The following SBF2 variants were observed in gnomAD, a reference collection of about 807,000 sequenced individuals.
SBF2 encodes myotubularin-related protein 13.
In SBF2, 112 loss-of-function variants were observed where a neutral mutation model predicts 225.2. The observed-to-expected ratio is 0.50, with a 90% CI of 0.43 to 0.58. The LOEUF is 0.58. SBF2 is among the 20% of genes least tolerant of loss of function. The probability of loss-of-function intolerance (pLI) is 0.00; values close to 1 mark genes in which losing one functional copy is unlikely to be tolerated. For missense variants in SBF2, 1,996 were observed against 2,206.2 expected (o/e 0.90, Z 1.91); for synonymous variants, 763 against 773.3 (o/e 0.99, Z 0.22).
chr11:10,113,593 T>C (rs1436147581), intron 2 of SBF2, among the ~76,000 whole-genome samples: 1 of 152,186 alleles, frequency 6.6e-6, no homozygotes, highest in Non-Finnish European at 1.5e-5. Flanking sequence ...ACTAAAGATG[T>C]AGATGGCAAA....
intron 2 of SBF2, among the ~76,000 whole-genome samples, chr11:10,143,613 A>G (rs929984995): frequency 4.6e-5 from 7 of 152,240 alleles, no homozygotes; most frequent in Non-Finnish European, 7.3e-5. Flanking sequence ...TGGTAGATCA[A>G]TATCAGTAAG....
intron 17 of SBF2, among the ~76,000 whole-genome samples, chr11:9,872,127 A>G (rs1342536283): frequency 6.6e-6 from 1 of 152,204 alleles, no homozygotes; most frequent in African/African-American, 2.4e-5. Context: ...CACCATGGAA[A>G]CTATGCAGCC....
intron 1 of SBF2, among the ~76,000 whole-genome samples, chr11:10,204,880 T>C (rs375870645): frequency 6.6e-6 from 1 of 150,532 alleles, no homozygotes; most frequent in East Asian, 1.9e-4. Context: ...GGATATAGGG[T>C]TTCTTTGGGG....
chr11:9,951,513 T>C (rs1190743334), intron 16 of SBF2, among the ~76,000 whole-genome samples: 1 of 152,116 alleles, frequency 6.6e-6, no homozygotes, highest in Non-Finnish European at 1.5e-5. Flanking sequence ...CTAGGGAGAA[T>C]TTTAGACTGA....
chr11:9,811,370 G>A (rs1167430067), intron 30 of SBF2: 1 of 152,196 alleles, frequency 6.6e-6, no homozygotes, highest in Non-Finnish European at 1.5e-5. Context: ...TGCTTTAAGA[G>A]TTAACTTTTA....
intron 17 of SBF2, among the ~76,000 whole-genome samples, chr11:9,866,389 A>G (rs576799824): frequency 1.3e-5 from 2 of 152,324 alleles, no homozygotes; most frequent in South Asian, 2.1e-4. Context: ...CTCATTGACT[A>G]AAAAAACAGA....
At chr11:9,818,792 G>A (rs998563469) in intron 28 of SBF2, among the ~76,000 whole-genome samples, 1 of 152,160 alleles carries the variant, frequency 6.6e-6, no homozygotes, top group Non-Finnish European at 1.5e-5. Flanking sequence ...CGTGATCTCG[G>A]CTCACCACAG....
At chr11:10,001,089 T>C in intron 7 of SBF2, 67 bp from the exon 8 acceptor site, 1 of 830,434 alleles carries the variant, frequency 1.2e-6, no homozygotes, top group South Asian at 1.4e-5. Flanking sequence ...CTTTCATCTT[T>C]ATGCTGTGTT....
At chr11:9,913,231 C>G (rs565628698) in intron 16 of SBF2, among the ~76,000 whole-genome samples, 1 of 152,108 alleles carries the variant, frequency 6.6e-6, no homozygotes, top group Non-Finnish European at 1.5e-5. Context: ...GCTGAGATCG[C>G]GCCACTGCAC....
chr11:9,990,834 T>C (rs1157442823), intron 12 of SBF2, among the ~76,000 whole-genome samples: 1 of 152,008 alleles, frequency 6.6e-6, no homozygotes, highest in Admixed American at 6.6e-5. Context: ...GTCAACGACT[T>C]TGGGAGAGTT....
At chr11:9,907,436 G>A (rs564632963) in intron 16 of SBF2, among the ~76,000 whole-genome samples, 35 of 152,060 alleles carry the variant, frequency 2.3e-4, no homozygotes, top group Non-Finnish European at 4.3e-4. Flanking sequence ...CTTTCTCCTT[G>A]GTATTTTCAT....
At chr11:9,809,033 C>G in intron 30 of SBF2, 31 bp from the exon 31 acceptor site, 2 of 1,563,006 alleles carry the variant, frequency 1.3e-6, no homozygotes, top group Non-Finnish European at 1.8e-6. Flanking sequence ...CACAATTAGA[C>G]CAAGCGCTTT....
intron 17 of SBF2, among the ~76,000 whole-genome samples, chr11:9,894,092 C>G (rs1383700147): frequency 6.6e-6 from 1 of 150,578 alleles, no homozygotes; most frequent in Non-Finnish European, 1.5e-5. Flanking sequence ...CAAAAAAATA[C>G]AAAAATCAGC....
chr11:10,099,610 G>A (rs12418212), intron 2 of SBF2, among the ~76,000 whole-genome samples: 30,335 of 151,938 alleles, frequency 0.2, 3,907 homozygotes, highest in Non-Finnish European at 0.29. Context: ...TGGTACAAAG[G>A]CTTAAAGACA....
intron 3 of SBF2, among the ~76,000 whole-genome samples, chr11:10,034,861 C>T (rs1949377851): frequency 6.6e-6 from 1 of 152,198 alleles, no homozygotes; most frequent in Admixed American, 6.5e-5. Flanking sequence ...AAAATTCCTC[C>T]TGAACCCTTC....
intron 16 of SBF2, among the ~76,000 whole-genome samples, chr11:9,952,346 T>C (rs908921638): frequency 6.6e-6 from 1 of 152,186 alleles, no homozygotes; most frequent in Non-Finnish European, 1.5e-5. Flanking sequence ...AGAAAGGAAC[T>C]GGGAGGGGGA....
intron 16 of SBF2, among the ~76,000 whole-genome samples, chr11:9,934,464 A>G (rs943912912): frequency 2.6e-5 from 4 of 152,206 alleles, no homozygotes; most frequent in Non-Finnish European, 2.9e-5. Flanking sequence ...TATGAGGCCA[A>G]CATCATCCTG....
chr11:9,985,870 G>A (rs1427472013), intron 13 of SBF2, among the ~76,000 whole-genome samples: 1 of 152,162 alleles, frequency 6.6e-6, no homozygotes, highest in Non-Finnish European at 1.5e-5. Flanking sequence ...CATTAGACAG[G>A]TCATCAAGAC....
At chr11:9,844,730 G>A (rs1856415673) in intron 24 of SBF2, among the ~76,000 whole-genome samples, 1 of 152,070 alleles carries the variant, frequency 6.6e-6, no homozygotes, top group African/African-American at 2.4e-5. Flanking sequence ...TGATTACTGT[G>A]CTTATATAAG....
Sources: allele counts gnomAD v4.1 joint callset (sites outside exome capture counted in the v4.1 genomes callset), GRCh38; gene constraint gnomAD v4.1.1; transcripts MANE v1.5; gene names NCBI Gene and HGNC (gene_info 2026-07-23, HGNC 2026-07-21).